The following UBE2F variants were observed in gnomAD, a reference collection of about 807,000 sequenced individuals.
UBE2F encodes the protein NEDD8-conjugating enzyme UBE2F.
UBE2F carries 5 observed loss-of-function variants against 29.6 expected under a neutral mutation model. The observed-to-expected ratio is 0.17, with a 90% CI of 0.09 to 0.36. The LOEUF (loss-of-function observed/expected upper bound fraction) is 0.36. Among genes scored for constraint, UBE2F ranks in the 10% least tolerant of loss-of-function variants. UBE2F has a pLI of 1.00. For synonymous variants in UBE2F, 66 were observed against 81.8 expected (o/e 0.81, Z 1.04); for missense variants, 141 against 228.5 (o/e 0.62, Z 2.47).
Position 237,967,062 on chromosome 2 carries a change from C to A in UBE2F, c.-87C>A. 4 of 1,321,344 alleles carry A rather than the reference C, an allele frequency of 3.0e-6. No individual in the cohort carries two copies. Among genetic ancestry groups the A allele is most frequent in the Non-Finnish European group, 3.9e-6 (4 of 1,035,268 alleles). 81.9% of individuals were successfully genotyped at this position (1,321,344 alleles called of 1,614,324 possible). Reference sequence around the variant, plus strand: ...CCGGTGCGGCTGTGAGGGGCCGCGTCTCGCAGCAGCCGCCCGGACCGGGCA... The same window carrying A: ...CCGGTGCGGCTGTGAGGGGCCGCGTATCGCAGCAGCCGCCCGGACCGGGCA... On this transcript the variant is annotated 5_prime_UTR_variant, in exon 1 of 10. Transcript: ENST00000272930. This position sits in a 1 kb window ranked among gnomAD's most constrained non-coding sequence, Gnocchi z 6.3.
At chr2:238,022,625 C>T (rs1368520874) in intron 5 of UBE2F, among the ~76,000 whole-genome samples, 2 of 152,148 alleles carry the variant, frequency 1.3e-5, no homozygotes, top group Non-Finnish European at 2.9e-5. Flanking sequence ...CTATAATTCT[C>T]TTTTATGTTT....
At chr2:237,993,549 C>A (rs765223461) in intron 3 of UBE2F, among the ~76,000 whole-genome samples, 3 of 152,054 alleles carry the variant, frequency 2.0e-5, no homozygotes, top group Non-Finnish European at 4.4e-5. Context: ...CCTGTCTCTA[C>A]AAAAGATACA....
intron 4 of UBE2F, among the ~76,000 whole-genome samples, chr2:238,001,438 G>C (rs1375096639): frequency 1.3e-5 from 2 of 152,026 alleles, no homozygotes; most frequent in Non-Finnish European, 2.9e-5. Context: ...ATTACATATA[G>C]AAAAAATTCT....
At chr2:238,033,497 A>G (rs968378111) in intron 8 of UBE2F, among the ~76,000 whole-genome samples, 1 of 152,182 alleles carries the variant, frequency 6.6e-6, no homozygotes, top group Admixed American at 6.5e-5. Context: ...CCTCCTGGCC[A>G]GGTGTCATGT....
rs1185844198 is a variant in UBE2F, at chr2:238,041,850, G to C, written c.*512G>C. On this transcript the variant is annotated 3_prime_UTR_variant, in exon 10 of 10. Coordinates refer to ENST00000272930, the MANE Select transcript of UBE2F (RefSeq NM_080678.3). ...GTTGTGAAGCCTCCCAGAATGCATA[G>C]AGTCATTCACTGTAGATCTCTTATT... The C allele has an allele frequency of 1.3e-5, 2 of 153,734 alleles. No individual in the cohort carries two copies. The highest frequency in any genetic ancestry group is 4.8e-5 in the African/African-American group (2 of 41,476). The allele number at this position is 153,734 out of a possible 1,614,324, so 9.5% of individuals were successfully genotyped here.
intron 4 of UBE2F, among the ~76,000 whole-genome samples, chr2:238,013,528 G>A: frequency 6.6e-6 from 1 of 152,132 alleles, no homozygotes; most frequent in Non-Finnish European, 1.5e-5. Context: ...TTGTAGAAGA[G>A]GAGGTGGGAC....
At chr2:238,006,976 G>A (rs1386543081) in intron 4 of UBE2F, among the ~76,000 whole-genome samples, 3 of 151,950 alleles carry the variant, frequency 2.0e-5, no homozygotes, top group Non-Finnish European at 2.9e-5. Flanking sequence ...GGCTGGTCTC[G>A]AACTCCCAAC....
chr2:237,992,000 G>C (rs2063601616), intron 3 of UBE2F, among the ~76,000 whole-genome samples: 1 of 152,074 alleles, frequency 6.6e-6, no homozygotes, highest in South Asian at 2.1e-4. Context: ...CCTCAGCTGG[G>C]ATTACAGGCA....
chr2:238,015,868 A>G (rs1229527514), intron 4 of UBE2F, among the ~76,000 whole-genome samples: 1 of 151,924 alleles, frequency 6.6e-6, no homozygotes, highest in Non-Finnish European at 1.5e-5. Flanking sequence ...GCTGGGTACC[A>G]CCTGAGGAGA....
At position 238,022,359 on chromosome 2, in the gene UBE2F, C is replaced by T. The variant is rs182038909; in HGVS notation, c.283-2983C>T. Among the ~76,000 whole-genome samples the T allele has an allele frequency of 4.5e-4, 69 of 152,086 alleles. 2 individuals carry two copies. Among genetic ancestry groups the T allele is most frequent in the African/African-American group, 1.7e-3 (69 of 41,404 alleles). ...ATTTTTTATGAGCTGCTATTATGTC[C>T]TTTGCCCATGTTTCCATTGGGGATA... On this transcript the variant is annotated intron_variant, in intron 5 of 9. Transcript: ENST00000272930.
Position 237,967,895 on chromosome 2 carries a change from G to T in UBE2F, c.-17+763G>T, listed in dbSNP as rs538745054. On this transcript the variant is annotated intron_variant, in intron 1 of 9. Coordinates refer to ENST00000272930, the MANE Select transcript of UBE2F (RefSeq NM_080678.3). The surrounding 1 kb of genome is among the most constrained non-coding windows in gnomAD (Gnocchi z 6.3). ...CAGTTTCCTCATCTGTCACAGGAGA[G>T]AATTGGGTCCCCCCACTCTGCATTC... 6.6e-6 allele frequency among the ~76,000 whole-genome samples: 1 copy of T among 152,266 alleles called. No individual in the cohort carries two copies. The highest frequency in any genetic ancestry group is 2.4e-5 in the African/African-American group (1 of 41,554).
In UBE2F at chr2:238,042,020, T is replaced by C. The variant is rs2064844033; in HGVS notation, c.*682T>C. On this transcript the variant is annotated 3_prime_UTR_variant, in exon 10 of 10. Coordinates refer to ENST00000272930, the MANE Select transcript of UBE2F (RefSeq NM_080678.3). ...ACAGAAAGATGTTGGGTCAAGCAAC[T>C]ATTGAAGAGAAATACAAAGAAAATA... The C allele has an allele frequency of 6.5e-6, 1 of 152,682 alleles. No homozygotes were observed. Among genetic ancestry groups the C allele is most frequent in the Admixed American group, 6.5e-5 (1 of 15,288 alleles). 9.5% of individuals were successfully genotyped at this position (152,682 alleles called of 1,614,324 possible). A position where few individuals can be genotyped will look rare whatever the true frequency, so the allele number is the denominator to read the frequency against.
intron 6 of UBE2F, among the ~76,000 whole-genome samples, chr2:238,028,731 ACT>A (rs2064494103): frequency 6.6e-6 from 1 of 152,050 alleles, no homozygotes; most frequent in Admixed American, 6.5e-5. Context: ...TTTGATTCAA[ACT>A]CTACATATTT....
chr2:237,981,739 A>G (rs1166941497), intron 2 of UBE2F, among the ~76,000 whole-genome samples: 2 of 139,310 alleles, frequency 1.4e-5, no homozygotes, highest in African/African-American at 2.7e-5. Context: ...TGATCCTCCC[A>G]CTTCAGCCTC....
chr2:238,015,038 A>G (rs2064122534), intron 4 of UBE2F, among the ~76,000 whole-genome samples: 1 of 152,242 alleles, frequency 6.6e-6, no homozygotes, highest in Non-Finnish European at 1.5e-5. Flanking sequence ...AGGAAAAAAA[A>G]TACGACCTTA....
chr2:237,975,105 AT>A (rs35635589), intron 2 of UBE2F, among the ~76,000 whole-genome samples: 18,196 of 144,068 alleles, frequency 0.13, 1,778 homozygotes, highest in African/African-American at 0.29. Context: ...TTTCTTTAAA[AT>A]TTTTTTTTTT....
Position 237,973,199 on chromosome 2 carries a change from C to T in UBE2F, c.92C>T (p.Ser31Phe). ...GCGTCCGACTCGACTCGGAGGGTTT[C>T]TGTGAGAGACAAATTGCTTGTTAAA... The part of the protein sequence containing the change: ...ATASDSTRRV[S>F]VRDKLLVKEV... Residue 31 changes from serine to phenylalanine, a missense_variant, in exon 2 of 10, where the codon TCT becomes TTT. Coordinates refer to ENST00000272930, the MANE Select transcript of UBE2F (RefSeq NM_080678.3). 6.2e-7 allele frequency: 1 copy of T among 1,613,782 alleles called. No homozygotes were observed. The highest frequency in any genetic ancestry group is 8.5e-7 in the Non-Finnish European group (1 of 1,179,728).
intron 3 of UBE2F, among the ~76,000 whole-genome samples, chr2:237,992,611 G>T (rs186024913): frequency 2.8e-4 from 43 of 152,158 alleles, no homozygotes; most frequent in African/African-American, 1.0e-3. Context: ...TCTTAACATG[G>T]TCATTAAGTA....
In UBE2F at chr2:238,041,373, TAC is replaced by T. The variant is rs535562848; in HGVS notation, c.*37_*38del. The T allele has an allele frequency of 3.1e-3, 4,928 of 1,611,582 alleles. 13 individuals are homozygous for T. Among genetic ancestry groups the T allele is most frequent in the Non-Finnish European group, 3.4e-3 (4,027 of 1,178,342 alleles). On this transcript the variant is annotated 3_prime_UTR_variant, in exon 10 of 10. Transcript: ENST00000272930. ...ACGATTGCAGGCCCATGGACTGTGTTACAGTTTGTCTCTAACATGAAACAGCA... is the reference window on the plus strand; with the variant it reads ...ACGATTGCAGGCCCATGGACTGTGTTAGTTTGTCTCTAACATGAAACAGCA...
Sources: gnomAD v4.1 joint callset for allele counts (sites outside exome capture counted in the v4.1 genomes callset) on GRCh38, gnomAD v4.1.1 for gene constraint, Gnocchi (gnomAD v3.1) non-coding constraint, MANE v1.5 for transcripts, NCBI Gene and HGNC (gene_info 2026-07-23, HGNC 2026-07-21) for gene names.